Variants in NAE1 observed in about 807,000 individuals in gnomAD.
The protein encoded by NAE1 is NEDD8 activating enzyme E1 subunit 1, also known as NEDD8-activating enzyme E1 regulatory subunit.
Under a neutral mutation model 88.0 loss-of-function variants are expected in NAE1, and 59 were observed. The ratio of observed to expected loss-of-function variants is 0.67; its 90% CI spans 0.54 to 0.83. NAE1 has a LOEUF of 0.83. NAE1 is among the 40% of genes least tolerant of loss of function. NAE1 has a pLI of 0.00. For synonymous variants in NAE1, 186 were observed against 208.9 expected, an observed-to-expected ratio of 0.89 and a Z score of 0.95; for missense variants, 554 against 632.8, an observed-to-expected ratio of 0.88 and a Z score of 1.34.
At chr16:66,817,643 A>C (rs1960098426) in intron 8 of NAE1, among the ~76,000 whole-genome samples, 156 bp from the exon 9 acceptor site, 1 of 152,190 alleles carries the variant, frequency 6.6e-6, no homozygotes, top group Non-Finnish European at 1.5e-5. Flanking sequence ...ACTGCTTTAC[A>C]AATTTTTCTA....
chr16:66,803,129 A>G lies in NAE1; in HGVS notation c.1496-11T>C, dbSNP rs764626138. 2.6e-6 allele frequency: 4 copies of G among 1,519,250 alleles called. No individual in the cohort carries two copies. In the Admixed American group the frequency reaches 6.7e-5, roughly 26 times the overall value. 94.1% of individuals were successfully genotyped at this position (1,519,250 alleles called of 1,614,324 possible). A position where few individuals can be genotyped will look rare whatever the true frequency, so the allele number is the denominator to read the frequency against. On this transcript the variant is annotated splice_polypyrimidine_tract_variant and intron_variant, in intron 19 of 19. Transcript: ENST00000290810. ...CTTGAGCAGCAGCTCCTGAAAGGAA[A>G]AAGGAGAAAAGCAAATCTTTGAAAG...
chr16:66,825,598 C>T (rs1283005612), intron 3 of NAE1, among the ~76,000 whole-genome samples: 1 of 152,086 alleles, frequency 6.6e-6, no homozygotes, highest in Non-Finnish European at 1.5e-5. Flanking sequence ...CACTATGGAA[C>T]CCATTGGCCC....
In NAE1 at chr16:66,813,424, A is replaced by G. The variant is rs1391591128; in HGVS notation, c.1034+140T>C. 7.8e-6 allele frequency: 8 copies of G among 1,031,338 alleles called. No individual in the cohort carries two copies. The East Asian group carries it at 2.1e-4, about 26-fold the overall frequency. The allele number at this position is 1,031,338 out of a possible 1,614,324, so 63.9% of individuals were successfully genotyped here. On this transcript the variant is annotated intron_variant, in intron 13 of 19. Coordinates refer to ENST00000290810, the MANE Select transcript of NAE1 (RefSeq NM_003905.4). ...CCAAAGTGTTGGGATTACAGGCATGAGCCACTGCAGCTGGCCTAGTTTATT... is the reference window on the plus strand; with the variant it reads ...CCAAAGTGTTGGGATTACAGGCATGGGCCACTGCAGCTGGCCTAGTTTATT...
chr16:66,809,601 A>G (rs137897729), intron 15 of NAE1, among the ~76,000 whole-genome samples: 2 of 152,334 alleles, frequency 1.3e-5, no homozygotes, highest in African/African-American at 4.8e-5. Context: ...CAAACTTGTG[A>G]TCTAGTATTA....
intron 17 of NAE1, among the ~76,000 whole-genome samples, chr16:66,806,450 A>T (rs1034037416): frequency 6.6e-6 from 1 of 151,736 alleles, no homozygotes; most frequent in Non-Finnish European, 1.5e-5. Context: ...CTTTTGAGAG[A>T]GAGTCTTGCT....
intron 6 of NAE1, among the ~76,000 whole-genome samples, chr16:66,821,826 T>C (rs1296313585): frequency 6.6e-6 from 1 of 152,194 alleles, no homozygotes; most frequent in African/African-American, 2.4e-5. Flanking sequence ...TAAAGAAAGA[T>C]AATTCTAAAC....
chr16:66,821,617 GAAAACATGC>G (rs1960264743), intron 6 of NAE1, 58 bp from the exon 7 acceptor site: 1 of 1,383,314 alleles, frequency 7.2e-7, no homozygotes, highest in Admixed American at 2.6e-5. Flanking sequence ...TGCCAAACAT[GAAAACATGC>G]AAAACATGAA....
intron 9 of NAE1, 29 bp from the exon 10 acceptor site, chr16:66,817,057 A>C (rs1960071841): frequency 6.4e-7 from 1 of 1,573,610 alleles, no homozygotes; most frequent in African/African-American, 1.4e-5. Context: ...TTAAAAATCT[A>C]GTTATTAAAA....
Position 66,803,071 on chromosome 16 carries a change from T to A in NAE1, c.1543A>T (p.Ile515Phe). The A allele has an allele frequency of 6.2e-7, 1 of 1,612,834 alleles. No individual in the cohort carries two copies. Among genetic ancestry groups the A allele is most frequent in the Non-Finnish European group, 8.5e-7 (1 of 1,179,378 alleles). Reference protein sequence around the residue: ...VIKIITKQFVIFNNTYIYSGM... With the variant: ...VIKIITKQFVFFNNTYIYSGM... ...CTGTAAATGTAAGTATTATTAAAAA[T>A]TACAAATTGTTTGGTGATTATTTTG... is the stretch of plus-strand genomic sequence containing the variant. The change falls in exon 20 of 20, where the codon ATT becomes TTT. Residue 515 changes from isoleucine (I) to phenylalanine (F), a missense_variant. Coordinates refer to ENST00000290810, the MANE Select transcript of NAE1 (RefSeq NM_003905.4).
At position 66,810,418 on chromosome 16, in the gene NAE1, A is replaced by G. The variant is rs368658000; in HGVS notation, c.1111-5T>C. On this transcript the variant is annotated splice_polypyrimidine_tract_variant and splice_region_variant and intron_variant, in intron 14 of 19. Transcript: ENST00000290810. Reference sequence around the variant, plus strand: ...CTCTGAAATGGACTCTGGTGCCTGTAAAGAGATAAATACAGATTCTGTTCC... The same window carrying G: ...CTCTGAAATGGACTCTGGTGCCTGTGAAGAGATAAATACAGATTCTGTTCC... 6.8e-5 allele frequency: 109 copies of G among 1,598,776 alleles called. 1 individual carries two copies. The South Asian group carries it at 8.3e-4, about 12-fold the overall frequency.
Position 66,824,768 on chromosome 16 carries a change from C to T in NAE1, c.249+87G>A, listed in dbSNP as rs74024026. ...ACTTTTTTCTCAGAGAAATAATACA[C>T]GTTTTTAAAGTCAAAGCTTTTCAAG... On this transcript the variant is annotated intron_variant, in intron 4 of 19. Coordinates refer to ENST00000290810, the MANE Select transcript of NAE1 (RefSeq NM_003905.4). The T allele has an allele frequency of 3.4e-4, 410 of 1,207,786 alleles. No individual in the cohort carries two copies. In the African/African-American group the frequency reaches 3.5e-3, roughly 10 times the overall value. The allele number at this position is 1,207,786 out of a possible 1,614,324, so 74.8% of individuals were successfully genotyped here.
chr16:66,810,457 A>C, intron 14 of NAE1, 44 bp from the exon 15 acceptor site: 1 of 1,534,314 alleles, frequency 6.5e-7, no homozygotes, highest in Non-Finnish European at 9.0e-7. Flanking sequence ...TTAAAAGAGA[A>C]GATTAACAAA....
At chr16:66,818,663 T>G (rs756596351) in intron 7 of NAE1, 26 bp from the exon 8 acceptor site, 3 of 1,574,924 alleles carry the variant, frequency 1.9e-6, no homozygotes, top group Non-Finnish European at 2.6e-6. Context: ...TTCAAAAGGA[T>G]AAATTTAACA....
chr16:66,807,084 T>C (rs1311426802), intron 17 of NAE1, among the ~76,000 whole-genome samples: 1 of 152,166 alleles, frequency 6.6e-6, no homozygotes, highest in Non-Finnish European at 1.5e-5. Context: ...AAATGTCTTC[T>C]TGCATGTCTA....
At chr16:66,820,293 A>G (rs363174) in intron 7 of NAE1, among the ~76,000 whole-genome samples, 46,568 of 152,192 alleles carry the variant, frequency 0.31, 8,502 homozygotes, top group East Asian at 0.6. Flanking sequence ...TCTAAGATTA[A>G]AATTTTATAA....
chr16:66,809,326 T>G (rs1298710528), intron 15 of NAE1, among the ~76,000 whole-genome samples: 1 of 152,166 alleles, frequency 6.6e-6, no homozygotes, highest in Non-Finnish European at 1.5e-5. Flanking sequence ...AGTTTTCAAG[T>G]GTAAAATGGG....
chr16:66,818,764 G>A (rs953125578), intron 7 of NAE1, 127 bp from the exon 8 acceptor site: 1 of 1,259,814 alleles, frequency 7.9e-7, no homozygotes, highest in Non-Finnish European at 1.0e-6. Context: ...TGAAACTCCT[G>A]GGCTGAAGGG....
chr16:66,821,101 G>A (rs959467987), intron 7 of NAE1, among the ~76,000 whole-genome samples: 1 of 152,122 alleles, frequency 6.6e-6, no homozygotes, highest in Non-Finnish European at 1.5e-5. Flanking sequence ...AGTGGGGAAA[G>A]GTGGTGTAAC....
chr16:66,822,707 C>T (rs1285006931), intron 6 of NAE1, among the ~76,000 whole-genome samples: 1 of 143,536 alleles, frequency 7.0e-6, no homozygotes, highest in African/African-American at 2.5e-5. Context: ...CTAACTCTGT[C>T]ACAAGGGCTG....
Sources: allele counts gnomAD v4.1 joint callset (sites outside exome capture counted in the v4.1 genomes callset), GRCh38; gene constraint gnomAD v4.1.1; transcripts MANE v1.5; gene names NCBI Gene and HGNC (gene_info 2026-07-23, HGNC 2026-07-21).